The following ALOXE3 variants were observed in gnomAD, a reference collection of about 807,000 sequenced individuals.
The protein encoded by ALOXE3 is hydroperoxide isomerase ALOXE3.
Under a neutral mutation model 87.5 loss-of-function variants are expected in ALOXE3, and 78 were observed. The observed-to-expected ratio is 0.89, with a 90% CI of 0.74 to 1.08. The LOEUF (loss-of-function observed/expected upper bound fraction) is 1.08. Among genes scored for constraint, ALOXE3 ranks in the 50% least tolerant of loss-of-function variants. The pLI is 0.00. For synonymous variants in ALOXE3, 363 were observed against 370.8 expected (o/e 0.98, Z 0.24); for missense variants, 946 against 912.4 (o/e 1.04, Z -0.47).
intron 4 of ALOXE3, 121 bp downstream of exon 4, chr17:8,115,486 T>C (rs762177591): frequency 9.7e-7 from 1 of 1,026,858 alleles, no homozygotes; most frequent in African/African-American, 1.6e-5. Context: ...TAGGTCCAAA[T>C]AAGAGTCCTG....
intron 8 of ALOXE3, 31 bp downstream of exon 8, chr17:8,111,328 T>A: frequency 6.2e-7 from 1 of 1,611,716 alleles, no homozygotes; most frequent in Non-Finnish European, 8.5e-7. Flanking sequence ...ACCTCCCACC[T>A]ATCAGGCCCA....
In ALOXE3 at chr17:8,114,978, C is replaced by T. The variant is rs147383866; in HGVS notation, c.514G>A (p.Ala172Thr). The T allele has an allele frequency of 4.2e-4, 677 of 1,614,128 alleles. 1 individual carries two copies. Among genetic ancestry groups the T allele is most frequent in the Non-Finnish European group, 5.5e-4 (648 of 1,180,024 alleles). The change falls in exon 5 of 16, where the codon GCC becomes ACC. Residue 172 changes from alanine to threonine, a missense_variant. Transcript: ENST00000448843. ...FQEMESDKKF[A>T]LTKTTTCVDQ... is the part of the protein sequence containing the mutation. ...ACACAAGTTGTCGTCTTTGTCAAGG[C>T]AAATTTCTTGTCTGACTCCATCTCC...
rs765148392 is a variant in ALOXE3, at chr17:8,108,566, T to C, written c.1586A>G (p.Tyr529Cys). ...CACAGATGCGTCACTGGGATAATAG[T>C]AGCCCACGATTTCTGAGACAAAGCT... ...IESFVSEIVG[Y>C]YYPSDASVQQ... Residue 529 changes from tyrosine to cysteine, a missense_variant, in exon 13 of 16, where the codon TAC (tyrosine) becomes TGC (cysteine). Tyr to Cys is a radical substitution (Grantham distance 194). Transcript: ENST00000448843. The C allele has an allele frequency of 8.7e-6, 14 of 1,612,418 alleles. No homozygotes were observed. The highest frequency in any genetic ancestry group is 2.2e-5 in the South Asian group (2 of 91,034).
At chr17:8,113,947 C>A (rs891841735) in intron 6 of ALOXE3, among the ~76,000 whole-genome samples, 1 of 151,878 alleles carries the variant, frequency 6.6e-6, no homozygotes, top group African/African-American at 2.4e-5. Context: ...ATCGCTTGAA[C>A]CCAGGAGGCA....
At chr17:8,107,587 C>G (rs908164651) in intron 13 of ALOXE3, among the ~76,000 whole-genome samples, 1 of 151,710 alleles carries the variant, frequency 6.6e-6, no homozygotes, top group African/African-American at 2.4e-5. Flanking sequence ...ATCATGAGGT[C>G]AGGAGATCGA....
chr17:8,109,357 A>G lies in ALOXE3; in HGVS notation c.1393-14T>C. 6.2e-7 allele frequency: 1 copy of G among 1,612,854 alleles called. No individual in the cohort carries two copies. Among genetic ancestry groups the G allele is most frequent in the Non-Finnish European group, 8.5e-7 (1 of 1,179,968 alleles). On this transcript the variant is annotated splice_polypyrimidine_tract_variant and intron_variant, in intron 11 of 15. Transcript: ENST00000448843. The stretch of plus-strand genomic sequence containing the variant: ...GATGGACGTGACCTGAGGACACAGC[A>G]CAGCTCGGCTCCCGGGCCGGCCCAA...
At chr17:8,118,527 A>C, upstream of ALOXE3, 2 of 1,532,996 alleles carry the variant, frequency 1.3e-6, no homozygotes, top group Admixed American at 2.0e-5. Context: ...ATCACTAAAC[A>C]GTGGAGAGTT....
chr17:8,109,115 A>G lies in ALOXE3; in HGVS notation c.1562+59T>C, dbSNP rs551298982. On this transcript the variant is annotated intron_variant, in intron 12 of 15. Transcript: ENST00000448843. ...CCCAGGCGCCATGAGCGCAGGGACC[A>G]CAATGTCCCAGGCCAGGAGACCCTG... 1.8e-5 allele frequency: 29 copies of G among 1,603,180 alleles called. No individual in the cohort carries two copies. In the South Asian group the frequency reaches 3.2e-4, roughly 18 times the overall value.
chr17:8,117,013 G>T (rs2151847445), intron 2 of ALOXE3, 33 bp from the exon 3 acceptor site: 1 of 1,598,912 alleles, frequency 6.3e-7, no homozygotes, highest in East Asian at 2.2e-5. Flanking sequence ...CAGGTGAGAG[G>T]CGGGGAACTG....
intron 6 of ALOXE3, among the ~76,000 whole-genome samples, 199 bp from the exon 7 acceptor site, chr17:8,112,395 C>G (rs1980174638): frequency 6.6e-6 from 1 of 152,190 alleles, no homozygotes; most frequent in African/African-American, 2.4e-5. Flanking sequence ...GCAGCCATCC[C>G]TAAGACAGGT....
chr17:8,098,052 T>G (rs1978662926), intron 15 of ALOXE3, among the ~76,000 whole-genome samples: 1 of 152,104 alleles, frequency 6.6e-6, no homozygotes, highest in African/African-American at 2.4e-5. Flanking sequence ...CAGCCAATAC[T>G]ACTGATCTTT....
intron 15 of ALOXE3, among the ~76,000 whole-genome samples, chr17:8,099,211 A>G (rs376134235): frequency 6.6e-6 from 1 of 152,054 alleles, no homozygotes; most frequent in Non-Finnish European, 1.5e-5. Context: ...TACATGAACC[A>G]TCGCAACCAT....
In ALOXE3 at chr17:8,110,122, G is replaced by A. The variant is rs1219779625; in HGVS notation, c.1275C>T (p.Arg425=). 1 of 1,613,338 alleles carries A rather than the reference G, an allele frequency of 6.2e-7. No homozygotes were observed. The highest frequency in any genetic ancestry group is 1.7e-5 in the Admixed American group (1 of 59,976). ...AGATGGGGTGGCAGAGCGGCAGCTG[G>A]CGCAGCGTGGCCATGGCGAAGGCCT... is the stretch of plus-strand genomic sequence containing the variant. The part of the protein sequence containing the change: ...LCEAFAMATL[R]QLPLCHPIYK... The change falls in exon 10 of 16, where the codon CGC becomes CGT. Residue 425 remains arginine, a synonymous_variant. Transcript: ENST00000448843.
chr17:8,110,077 C>T lies in ALOXE3; in HGVS notation c.1305+15G>A, dbSNP rs764522136. On this transcript the variant is annotated intron_variant, in intron 10 of 15. Coordinates refer to ENST00000448843, the MANE Select transcript of ALOXE3 (RefSeq NM_021628.3). ...CGGCCCCTGCCCCGCTGGGCCCCCA[C>T]CCGGGGTCGCGGACCTTGTAGATGG... The T allele has an allele frequency of 6.8e-7, 1 of 1,472,482 alleles. No individual in the cohort carries two copies. Among genetic ancestry groups the T allele is most frequent in the South Asian group, 1.2e-5 (1 of 83,496 alleles). 91.2% of individuals were successfully genotyped at this position (1,472,482 alleles called of 1,614,324 possible). A position where few individuals can be genotyped will look rare whatever the true frequency, so the allele number is the denominator to read the frequency against.
intron 13 of ALOXE3, among the ~76,000 whole-genome samples, chr17:8,104,630 G>A (rs1179750266): frequency 6.6e-6 from 1 of 152,240 alleles, no homozygotes; most frequent in Non-Finnish European, 1.5e-5. Context: ...CCCACGCAGA[G>A]GGCGTGTTAC....
upstream of ALOXE3, chr17:8,118,767 C>T (rs1298426740): frequency 6.5e-7 from 1 of 1,537,236 alleles, no homozygotes. Context: ...GTCTGAATGC[C>T]CCGCGTGGCA....
chr17:8,114,511 A>G lies in ALOXE3; in HGVS notation c.653T>C (p.Ile218Thr), dbSNP rs376267563. The G allele has an allele frequency of 3.7e-6, 6 of 1,613,818 alleles. No individual in the cohort carries two copies. In the African/African-American group the frequency reaches 6.7e-5, roughly 18 times the overall value. ...PNVRYSATKT[I>T]SLLFNAIPAS... ...AGGGATGGCATTGAAGAGCAGCGAG[A>G]TCGTCTTGGTGGCTGAGTATCGAAC... Residue 218 changes from isoleucine (I) to threonine (T), a missense_variant, in exon 6 of 16, where the codon ATC (isoleucine) becomes ACC (threonine). Transcript: ENST00000448843.
rs1445955391 is a variant in ALOXE3 at position 8,103,454 on chromosome 17, T to C, written c.1825A>G (p.Met609Val). The stretch of plus-strand genomic sequence containing the variant: ...TTGGTCTGGGGTGGGGGCTGCCTCA[T>C]GGATGATGGAGCATTGGGCATCCAG... ...GAWMPNAPSS[M>V]RQPPPQTKGT... Residue 609 changes from methionine to valine, a missense_variant, in exon 15 of 16, where the codon ATG becomes GTG. Transcript: ENST00000448843. 1.2e-6 allele frequency: 2 copies of C among 1,614,122 alleles called. No individual in the cohort carries two copies. The highest frequency in any genetic ancestry group is 2.2e-5 in the East Asian group (1 of 44,876).
chr17:8,114,401 G>A, intron 6 of ALOXE3, 83 bp downstream of exon 6: 2 of 1,592,438 alleles, frequency 1.3e-6, no homozygotes, highest in Non-Finnish European at 1.7e-6. Flanking sequence ...CTGGGAATAG[G>A]GAGAAGGGGC....
Sources: allele counts gnomAD v4.1 joint callset (sites outside exome capture counted in the v4.1 genomes callset), GRCh38; gene constraint gnomAD v4.1.1; transcripts MANE v1.5; gene names NCBI Gene and HGNC (gene_info 2026-07-23, HGNC 2026-07-21).